The following PTPN4 variants were observed in gnomAD, a reference collection of about 807,000 sequenced individuals.
PTPN4 encodes the protein tyrosine-protein phosphatase non-receptor type 4.
In PTPN4, 49 loss-of-function variants were observed where a neutral mutation model predicts 135.5. The observed-to-expected ratio is 0.36, with a 90% confidence interval of 0.29 to 0.46. The LOEUF (loss-of-function observed/expected upper bound fraction) is 0.46, where lower values mean the gene tolerates loss of function less well. Ranked by LOEUF, PTPN4 falls within the 20% of genes least tolerant of loss-of-function variation. The probability of loss-of-function intolerance (pLI) is 1.00; values close to 1 mark genes in which losing one functional copy is unlikely to be tolerated. For synonymous variants in PTPN4, 333 were observed against 369.9 expected (o/e 0.90, Z 1.14); for missense variants, 860 against 1,101.0 (o/e 0.78, Z 3.10).
chr2:119,835,140 T>C lies in PTPN4; in HGVS notation c.138+25149T>C, dbSNP rs184368215. On this transcript the variant is annotated intron_variant, in intron 2 of 26. Transcript: ENST00000263708. ...CCTTAAGCCACTACTAAATTTTAAG[T>C]TATCCATCAGTAAGTAATCTTTTTC... Among the ~76,000 whole-genome samples, 362 of 152,274 alleles carry C rather than the reference T, an allele frequency of 2.4e-3. 10 individuals carry two copies. Among genetic ancestry groups the C allele is most frequent in the Admixed American group, 0.023 (348 of 15,294 alleles).
chr2:119,784,301 A>ATTT (rs1691003562), intron 1 of PTPN4, among the ~76,000 whole-genome samples: 1 of 144,344 alleles, frequency 6.9e-6, no homozygotes. Context: ...TTGAGACAGA[A>ATTT]TCTCCTGGGC....
intron 2 of PTPN4, among the ~76,000 whole-genome samples, chr2:119,833,036 T>C (rs1677241116): frequency 6.6e-6 from 1 of 152,224 alleles, no homozygotes; most frequent in East Asian, 1.9e-4. Context: ...TTTTCTTTAA[T>C]GGTTATAGGT....
chr2:119,958,714 A>G (rs1366247450), intron 22 of PTPN4, among the ~76,000 whole-genome samples: 1 of 152,224 alleles, frequency 6.6e-6, no homozygotes, highest in East Asian at 1.9e-4. Context: ...CAACATTTTA[A>G]TTAGCTGATC....
intron 13 of PTPN4, 136 bp downstream of exon 13, chr2:119,926,802 T>A: frequency 1.6e-6 from 1 of 634,450 alleles, no homozygotes; most frequent in South Asian, 2.3e-5. Flanking sequence ...CACAATTCTT[T>A]AACAGTAAAT....
At position 119,862,516 on chromosome 2, in the gene PTPN4, ATTTTT is replaced by A; in HGVS notation, c.139-9_139-5del. 1 of 1,357,658 alleles carries A rather than the reference ATTTTT, an allele frequency of 7.4e-7. No homozygotes were observed. The highest frequency in any genetic ancestry group is 1.3e-5 in the South Asian group (1 of 77,908). The allele number at this position is 1,357,658 out of a possible 1,614,324, so 84.1% of individuals were successfully genotyped here. ...AACCTATCAAAGTTGATTTCATTCA[ATTTTT>A]TTTTTTTTTTACAGAAACATGATCA... On this transcript the variant is annotated splice_polypyrimidine_tract_variant and intron_variant, in intron 2 of 26. Coordinates refer to ENST00000263708, the MANE Select transcript of PTPN4 (RefSeq NM_002830.4).
intron 10 of PTPN4, among the ~76,000 whole-genome samples, chr2:119,908,295 A>AT (rs1463775956): frequency 6.6e-6 from 1 of 152,188 alleles, no homozygotes; most frequent in Admixed American, 6.5e-5. Context: ...GAAAAAAGAC[A>AT]TGCAAATGGT....
intron 2 of PTPN4, among the ~76,000 whole-genome samples, chr2:119,829,858 A>G (rs941760145): frequency 1.3e-5 from 2 of 152,286 alleles, no homozygotes; most frequent in African/African-American, 4.8e-5. Flanking sequence ...GGATCACGTG[A>G]TAATTCAGTG....
intron 10 of PTPN4, among the ~76,000 whole-genome samples, chr2:119,912,975 T>A (rs1263718816): frequency 6.6e-6 from 1 of 152,202 alleles, no homozygotes; most frequent in Admixed American, 6.5e-5. Context: ...TAATATTGAA[T>A]GAGATCATGT....
At chr2:119,947,673 C>A (rs1044954138) in intron 18 of PTPN4, among the ~76,000 whole-genome samples, 1 of 151,738 alleles carries the variant, frequency 6.6e-6, no homozygotes, top group Non-Finnish European at 1.5e-5. Flanking sequence ...AATCAGCCTA[C>A]CTCTCAAGCC....
intron 2 of PTPN4, among the ~76,000 whole-genome samples, chr2:119,850,099 A>G (rs956751118): frequency 2.0e-5 from 3 of 152,210 alleles, no homozygotes; most frequent in East Asian, 3.9e-4. Flanking sequence ...TTTCAAGAGC[A>G]CTCTTAGACT....
At chr2:119,894,048 A>G (rs1458195971) in intron 9 of PTPN4, among the ~76,000 whole-genome samples, 2 of 152,196 alleles carry the variant, frequency 1.3e-5, no homozygotes, top group Non-Finnish European at 2.9e-5. Context: ...ATCCCATTTA[A>G]TCCTTACAAC....
chr2:119,855,708 C>T (rs1677666293), intron 2 of PTPN4, among the ~76,000 whole-genome samples: 1 of 152,154 alleles, frequency 6.6e-6, no homozygotes, highest in African/African-American at 2.4e-5. Context: ...TCTCCAGTTC[C>T]CCCACAGATC....
intron 9 of PTPN4, among the ~76,000 whole-genome samples, chr2:119,893,168 G>C (rs1678265959): frequency 6.6e-6 from 1 of 152,124 alleles, no homozygotes. Context: ...AAGATACTAA[G>C]GGAAGAGACT....
Position 119,885,842 on chromosome 2 carries a change from G to A in PTPN4, c.635G>A (p.Arg212His), listed in dbSNP as rs779166189. ...GAATTTAATTACCTAAACACAGCAC[G>A]TACCTTAGAACTCTATGGAGTTGAA... is the stretch of plus-strand genomic sequence containing the variant. ...EAEFNYLNTA[R>H]TLELYGVEFH... Residue 212 changes from arginine (R) to histidine (H), a missense_variant, in exon 9 of 27, where the codon CGT becomes CAT. By Grantham distance (29) the Arg-to-His change is conservative (BLOSUM62 0). Coordinates refer to ENST00000263708, the MANE Select transcript of PTPN4 (RefSeq NM_002830.4). 29 of 1,605,212 alleles carry A rather than the reference G, an allele frequency of 1.8e-5. No individual in the cohort carries two copies. The highest frequency in any genetic ancestry group is 4.5e-5 in the East Asian group (2 of 44,476).
intron 8 of PTPN4, among the ~76,000 whole-genome samples, chr2:119,883,869 T>C (rs1678115843): frequency 6.6e-6 from 1 of 152,208 alleles, no homozygotes; most frequent in Non-Finnish European, 1.5e-5. Flanking sequence ...CTTACTTTCT[T>C]TTACTAATAA....
chr2:119,818,328 T>G (rs1302774045), intron 2 of PTPN4, among the ~76,000 whole-genome samples: 1 of 152,254 alleles, frequency 6.6e-6, no homozygotes, highest in Non-Finnish European at 1.5e-5. Context: ...ATCTGCTAAT[T>G]TGTCGTTGTA....
chr2:119,776,509 G>T (rs987400116), intron 1 of PTPN4, among the ~76,000 whole-genome samples: 1 of 152,088 alleles, frequency 6.6e-6, no homozygotes, highest in Non-Finnish European at 1.5e-5. Context: ...GTTTTAAAAA[G>T]CCCAACAGAA....
At chr2:119,882,012 C>A in intron 6 of PTPN4, 85 bp from the exon 7 acceptor site, 1 of 1,290,402 alleles carries the variant, frequency 7.7e-7, no homozygotes, top group Non-Finnish European at 1.1e-6. Context: ...CATGAAACTT[C>A]AAGTGTGATT....
Position 119,760,253 on chromosome 2 carries a change from T to TGCG in PTPN4, c.-140_-138dup. 1 of 396,432 alleles carries TGCG rather than the reference T, an allele frequency of 2.5e-6. No homozygotes were observed. Among genetic ancestry groups the TGCG allele is most frequent in the Non-Finnish European group, 4.5e-6 (1 of 224,594 alleles). The allele number at this position is 396,432 out of a possible 1,614,324, so 24.6% of individuals were successfully genotyped here. On this transcript the variant is annotated 5_prime_UTR_variant, in exon 1 of 27. Coordinates refer to ENST00000263708, the MANE Select transcript of PTPN4 (RefSeq NM_002830.4). ...CGGCTCCGGGTCGTGGCGCGACCGC[T>TGCG]GCGGCGGCGGCTGCTCGGGGGGCGC...
Sources: allele counts gnomAD v4.1 joint callset (sites outside exome capture counted in the v4.1 genomes callset), GRCh38; gene constraint gnomAD v4.1.1; transcripts MANE v1.5; gene names NCBI Gene and HGNC (gene_info 2026-07-23, HGNC 2026-07-21).